The following HELZ variants were observed in gnomAD, a reference collection of about 807,000 sequenced individuals.
HELZ encodes the protein helicase with zinc finger.
HELZ carries 23 observed loss-of-function variants against 218.2 expected under a neutral mutation model. That is an observed-to-expected ratio of 0.11 (90% CI 0.08 to 0.15). The LOEUF is 0.15. Ranked by LOEUF, HELZ falls within the 10% of genes least tolerant of loss-of-function variation. HELZ has a pLI of 1.00. For missense variants in HELZ, 1,813 were observed against 2,353.7 expected, an observed-to-expected ratio of 0.77 and a Z score of 4.75; for synonymous variants, 814 against 829.4, an observed-to-expected ratio of 0.98 and a Z score of 0.32.
At chr17:67,115,150 C>G (rs1042771342) in intron 27 of HELZ, among the ~76,000 whole-genome samples, 1 of 151,870 alleles carries the variant, frequency 6.6e-6, no homozygotes, top group African/African-American at 2.4e-5. Context: ...GAAATGAAAA[C>G]TATAGTATCG....
At chr17:67,207,507 A>G (rs1396480451) in intron 5 of HELZ, among the ~76,000 whole-genome samples, 1 of 152,024 alleles carries the variant, frequency 6.6e-6, no homozygotes, top group Non-Finnish European at 1.5e-5. Context: ...GGTGTGAGCC[A>G]CTACACCCAG....
chr17:67,161,688 GCA>G (rs1270408027), intron 15 of HELZ, among the ~76,000 whole-genome samples: 2 of 151,962 alleles, frequency 1.3e-5, no homozygotes, highest in African/African-American at 2.4e-5. Context: ...TAATATTTTT[GCA>G]CACACACACA....
intron 12 of HELZ, among the ~76,000 whole-genome samples, chr17:67,183,687 G>A (rs1054819228): frequency 1.3e-5 from 2 of 152,104 alleles, no homozygotes; most frequent in African/African-American, 2.4e-5. Context: ...CATTAATCAA[G>A]TTGTGGTATA....
At chr17:67,133,522 CTTTT>C (rs910865864) in intron 23 of HELZ, among the ~76,000 whole-genome samples, 2 of 151,900 alleles carry the variant, frequency 1.3e-5, no homozygotes, top group African/African-American at 4.8e-5. Flanking sequence ...TGACACTATT[CTTTT>C]TTTTATTTTC....
At chr17:67,123,396 T>C (rs577612632) in intron 25 of HELZ, among the ~76,000 whole-genome samples, 1 of 152,174 alleles carries the variant, frequency 6.6e-6, no homozygotes, top group South Asian at 2.1e-4. Flanking sequence ...TAGCATAATT[T>C]TAAATATTTT....
intron 19 of HELZ, 97 bp downstream of exon 19, chr17:67,149,770 C>T: frequency 1.6e-6 from 1 of 633,426 alleles, no homozygotes; most frequent in Non-Finnish European, 2.7e-6. Flanking sequence ...AGTTATAATG[C>T]ATGGCATAAT....
At chr17:67,244,741 G>A (rs1306026802) in intron 1 of HELZ, 1 of 984,566 alleles carries the variant, frequency 1.0e-6, no homozygotes, top group African/African-American at 1.7e-5. Context: ...CGGGGCGTGG[G>A]AGGCCCGCAC....
intron 3 of HELZ, among the ~76,000 whole-genome samples, chr17:67,229,777 T>G (rs376548422): frequency 6.6e-6 from 1 of 152,332 alleles, no homozygotes; most frequent in East Asian, 1.9e-4. Context: ...ACAGGCAAAA[T>G]AGTCTGCAAA....
chr17:67,237,706 T>C (rs1324005385), intron 3 of HELZ, among the ~76,000 whole-genome samples: 1 of 152,124 alleles, frequency 6.6e-6, no homozygotes, highest in Non-Finnish European at 1.5e-5. Context: ...GAGCTGAAGC[T>C]AGCCCGGCAC....
intron 26 of HELZ, 64 bp downstream of exon 26, chr17:67,122,906 A>G (rs1435887818): frequency 1.6e-6 from 2 of 1,233,604 alleles, no homozygotes; most frequent in Admixed American, 2.0e-5. Flanking sequence ...ATTTGGGATT[A>G]GAACCATTTT....
intron 23 of HELZ, among the ~76,000 whole-genome samples, chr17:67,129,721 C>T (rs952863745): frequency 6.6e-6 from 1 of 152,048 alleles, no homozygotes; most frequent in Non-Finnish European, 1.5e-5. Flanking sequence ...TAAAGGAGAA[C>T]AGTACATTCA....
At chr17:67,226,961 A>G (rs1393749251) in intron 3 of HELZ, among the ~76,000 whole-genome samples, 2 of 152,176 alleles carry the variant, frequency 1.3e-5, no homozygotes, top group African/African-American at 4.8e-5. Context: ...GAAGAACAAG[A>G]TCAGTGGTTG....
intron 9 of HELZ, among the ~76,000 whole-genome samples, chr17:67,191,937 C>T (rs2039907990): frequency 6.6e-6 from 1 of 151,826 alleles, no homozygotes; most frequent in African/African-American, 2.4e-5. Context: ...GGCACAGTGG[C>T]TCACGCCTGT....
Position 67,182,648 on chromosome 17 carries a change from A to G in HELZ, c.1163-3722T>C, listed in dbSNP as rs573750045. Among the ~76,000 whole-genome samples the G allele has an allele frequency of 4.0e-4, 61 of 152,360 alleles. 1 individual carries two copies. The highest frequency in any genetic ancestry group is 8.5e-4 in the Admixed American group (13 of 15,304). ...TATAAACAGATTTTAATAGAAATCC[A>G]TAAGTTAAAGATAATTAGAATACAC... On this transcript the variant is annotated intron_variant, in intron 12 of 32. Transcript: ENST00000358691.
rs1567773235 is a variant in HELZ at position 67,071,858 on chromosome 17, T to C, written c.*6394A>G. 6.6e-6 allele frequency: 1 copy of C among 152,578 alleles called. No individual in the cohort carries two copies. The highest frequency in any genetic ancestry group is 2.4e-5 in the African/African-American group (1 of 41,422). 9.5% of individuals were successfully genotyped at this position (152,578 alleles called of 1,614,324 possible). On this transcript the variant is annotated 3_prime_UTR_variant, in exon 33 of 33. Transcript: ENST00000358691. ...AAACACATATAGATTTTTTTAAAGG[T>C]AGCAAAGTAATCAGAGACATTTATT...
rs1255745755 is a variant in HELZ at position 67,128,698 on chromosome 17, G to C, written c.3340C>G (p.Leu1114Val). The C allele has an allele frequency of 6.2e-7, 1 of 1,614,046 alleles. No individual in the cohort carries two copies. The highest frequency in any genetic ancestry group is 1.7e-5 in the Admixed American group (1 of 59,994). The change falls in exon 24 of 33, where the codon CTG becomes GTG. Residue 1114 changes from leucine (L) to valine (V), a missense_variant. By Grantham distance (32) the Leu-to-Val change is conservative. Transcript: ENST00000358691. ...APEFIPRALR[L>V]QHSGSTNKQQ... ...TTGTTGGTACTTCCTGAATGCTGCAGTCTTAGAGCCCGGGGGATAAATTCA... is the reference window on the plus strand; with the variant it reads ...TTGTTGGTACTTCCTGAATGCTGCACTCTTAGAGCCCGGGGGATAAATTCA...
chr17:67,134,684 G>C (rs2038091897), intron 23 of HELZ, among the ~76,000 whole-genome samples: 1 of 151,572 alleles, frequency 6.6e-6, no homozygotes, highest in Admixed American at 6.6e-5. Context: ...TCCCTTCCCA[G>C]AATTTTTCTT....
intron 4 of HELZ, among the ~76,000 whole-genome samples, chr17:67,218,099 T>G (rs1228305712): frequency 6.6e-6 from 1 of 152,072 alleles, no homozygotes; most frequent in Admixed American, 6.6e-5. Context: ...CACGCCTGGC[T>G]AATTTTTGTA....
intron 27 of HELZ, among the ~76,000 whole-genome samples, chr17:67,119,286 C>T (rs1001247453): frequency 2.6e-5 from 4 of 152,132 alleles, no homozygotes; most frequent in African/African-American, 7.2e-5. Flanking sequence ...TATTGCGGTA[C>T]ATCCATACAA....
Sources: gnomAD v4.1 joint callset for allele counts (sites outside exome capture counted in the v4.1 genomes callset) on GRCh38, gnomAD v4.1.1 for gene constraint, MANE v1.5 for transcripts, NCBI Gene and HGNC (gene_info 2026-07-23, HGNC 2026-07-21) for gene names.